GPC3: variants seen among roughly 807,000 people sequenced by gnomAD.
GPC3 encodes glypican 3.
A neutral mutation model predicts 34.4 loss-of-function variants in GPC3; 3 were observed. The observed-to-expected ratio is 0.09, with a 90% CI of 0.04 to 0.23. The LOEUF (loss-of-function observed/expected upper bound fraction) is 0.23, where lower values mean the gene tolerates loss of function less well. Ranked by LOEUF, GPC3 falls within the 10% of genes least tolerant of loss-of-function variation. GPC3 has a pLI of 1.00. For synonymous variants in GPC3, 177 were observed against 174.0 expected (o/e 1.02, Z -0.13); for missense variants, 351 against 445.6 (o/e 0.79, Z 1.91).
At chrX:133,840,660 C>T (rs2075820226) in intron 2 of GPC3, among the ~76,000 whole-genome samples, 1 of 110,864 alleles carries the variant, frequency 9.0e-6, no homozygotes, top group South Asian at 3.9e-4. Context: ...CATCACCATG[C>T]TCTTTTCCTA....
intron 5 of GPC3, among the ~76,000 whole-genome samples, chrX:133,691,725 A>G (rs972456667): frequency 8.9e-6 from 1 of 111,975 alleles, no homozygotes; most frequent in Non-Finnish European, 1.9e-5. Context: ...GGTACTTAAT[A>G]TACAATTAAC....
chrX:133,537,645 C>G (rs1221564809), intron 7 of GPC3, among the ~76,000 whole-genome samples: 1 of 111,458 alleles, frequency 9.0e-6, no homozygotes, highest in Non-Finnish European at 1.9e-5. Flanking sequence ...ATATTGCCAC[C>G]AGCAATGATG....
Position 133,704,575 on chromosome X carries a change from C to T in GPC3, c.1033-4547G>A, listed in dbSNP as rs111509388. Among the ~76,000 whole-genome samples, 1,833 of 109,308 alleles carry T rather than the reference C, an allele frequency of 0.017. 32 individuals are homozygous for T. The highest frequency in any genetic ancestry group is 0.056 in the African/African-American group (1,710 of 30,392). The allele number at this position is 109,308 out of a possible 115,157, so 94.9% of individuals were successfully genotyped here. ...CTGAATGGAAATAAACTGGGGGAAA[C>T]TTAGCCAGGGCAGTTTCTTCAGATT... On this transcript the variant is annotated intron_variant, in intron 3 of 7. Coordinates refer to ENST00000370818, the MANE Select transcript of GPC3 (RefSeq NM_004484.4).
intron 2 of GPC3, among the ~76,000 whole-genome samples, chrX:133,827,783 A>G (rs1278344886): frequency 9.3e-6 from 1 of 107,795 alleles, no homozygotes; most frequent in Non-Finnish European, 1.9e-5. Flanking sequence ...ACTCCATCTC[A>G]AAGAAAAAAA....
chrX:133,541,821 C>G (rs1007007386), intron 7 of GPC3, among the ~76,000 whole-genome samples: 9 of 111,839 alleles, frequency 8.0e-5, no homozygotes, highest in African/African-American at 1.9e-4. Flanking sequence ...CCTGTGCATC[C>G]TGGCAGTCTG....
intron 2 of GPC3, among the ~76,000 whole-genome samples, chrX:133,837,906 C>T (rs1042586052): frequency 4.5e-5 from 5 of 112,141 alleles, no homozygotes; most frequent in African/African-American, 1.3e-4. Flanking sequence ...AATATGCCAA[C>T]GTATTCTCTT....
At chrX:133,936,749 G>A (rs1284427872) in intron 2 of GPC3, among the ~76,000 whole-genome samples, 3 of 112,333 alleles carry the variant, frequency 2.7e-5, no homozygotes, top group Non-Finnish European at 5.6e-5. Flanking sequence ...CCACTAAACT[G>A]ATTAAAGCTA....
intron 2 of GPC3, among the ~76,000 whole-genome samples, chrX:133,832,123 T>G (rs1048166037): frequency 1.8e-5 from 2 of 109,193 alleles, no homozygotes; most frequent in African/African-American, 6.7e-5. Context: ...CTACTAAAAA[T>G]ACAAAAATTA....
At chrX:133,852,846 T>C (rs1384396939) in intron 2 of GPC3, among the ~76,000 whole-genome samples, 3 of 110,293 alleles carry the variant, frequency 2.7e-5, no homozygotes, top group Admixed American at 1.9e-4. Flanking sequence ...CTTGACCCTA[T>C]CTGGTAGAGT....
intron 2 of GPC3, among the ~76,000 whole-genome samples, chrX:133,951,898 C>T (rs769488638): frequency 1.8e-5 from 2 of 111,289 alleles, no homozygotes; most frequent in South Asian, 7.7e-4. Context: ...AATCAACACA[C>T]CTTACAATTC....
chrX:133,840,377 A>G (rs1427610314), intron 2 of GPC3, among the ~76,000 whole-genome samples: 1 of 110,982 alleles, frequency 9.0e-6, no homozygotes, highest in East Asian at 2.8e-4. Flanking sequence ...AGGGATTACA[A>G]AGAGATTTTG....
rs997442975 is a variant in GPC3 at position 133,618,871 on chromosome X, T to C, written c.1414-22272A>G. On this transcript the variant is annotated intron_variant, in intron 6 of 7. Coordinates refer to ENST00000370818, the MANE Select transcript of GPC3 (RefSeq NM_004484.4). ...CATCAAAATTTAAAACTTTTATGAA[T>C]CAAAAGATACCATCAAAAAGTGGAA... 1.1e-4 allele frequency among the ~76,000 whole-genome samples: 12 copies of C among 110,968 alleles called. 1 individual carries two copies. Among genetic ancestry groups the C allele is most frequent in the Non-Finnish European group, 1.9e-4 (10 of 53,034 alleles).
chrX:133,562,748 G>A (rs1028711449), intron 7 of GPC3, among the ~76,000 whole-genome samples: 4 of 111,910 alleles, frequency 3.6e-5, no homozygotes, highest in Admixed American at 1.9e-4. Context: ...TCCATTCTGA[G>A]TAGATACTAG....
At chrX:133,733,307 C>T (rs1200909671) in intron 3 of GPC3, among the ~76,000 whole-genome samples, 1 of 110,025 alleles carries the variant, frequency 9.1e-6, no homozygotes, top group Non-Finnish European at 1.9e-5. Context: ...GAAAGGAAAG[C>T]CAGAGACAAA....
chrX:133,882,952 T>G (rs1039793114), intron 2 of GPC3, among the ~76,000 whole-genome samples: 9 of 111,078 alleles, frequency 8.1e-5, no homozygotes, highest in Non-Finnish European at 1.1e-4. Flanking sequence ...ATATCCATCT[T>G]GTGCTCAAAT....
At chrX:133,706,805 A>G (rs1267278964) in intron 3 of GPC3, among the ~76,000 whole-genome samples, 4 of 111,793 alleles carry the variant, frequency 3.6e-5, no homozygotes, top group Admixed American at 2.9e-4. Flanking sequence ...AGATTCCTCA[A>G]AGAACTAAGA....
intron 7 of GPC3, among the ~76,000 whole-genome samples, chrX:133,585,377 G>A (rs1038650128): frequency 9.1e-6 from 1 of 110,474 alleles, no homozygotes; most frequent in Non-Finnish European, 1.9e-5. Context: ...CTTTATTCCC[G>A]ATCTCTACCT....
At position 133,891,489 on chromosome X, in the gene GPC3, C is replaced by T. The variant is rs375994350; in HGVS notation, c.337+61561G>A. ...AAGTTGTCATTTTAAAAATTCTGGG[C>T]CAGGCATGGGAGCTTACATCTATAA... On this transcript the variant is annotated intron_variant, in intron 2 of 7. Transcript: ENST00000370818. Among the ~76,000 whole-genome samples, 25 of 110,223 alleles carry T rather than the reference C, an allele frequency of 2.3e-4. No homozygotes were observed. In the East Asian group the frequency reaches 7.1e-3, roughly 31 times the overall value.
rs766248962 is a variant in GPC3 at position 133,541,485 on chromosome X, G to A, written c.1574-5192C>T. 2.7e-5 allele frequency among the ~76,000 whole-genome samples: 3 copies of A among 111,589 alleles called. No individual in the cohort carries two copies. In the South Asian group the frequency reaches 1.1e-3, roughly 42 times the overall value. ...TTGATCATCAGTGAGAACCTTTTGG[G>A]CCAGCAAGGAGATTTTCATGCTAAA... is the stretch of plus-strand genomic sequence containing the variant. On this transcript the variant is annotated intron_variant, in intron 7 of 7. Coordinates refer to ENST00000370818, the MANE Select transcript of GPC3 (RefSeq NM_004484.4).
Sources: gnomAD v4.1 joint callset for allele counts (sites outside exome capture counted in the v4.1 genomes callset) on GRCh38, gnomAD v4.1.1 for gene constraint, MANE v1.5 for transcripts, NCBI Gene and HGNC (gene_info 2026-07-23, HGNC 2026-07-21) for gene names.